DCAF1: variants seen among roughly 807,000 people sequenced by gnomAD.
The protein encoded by DCAF1 is DDB1 and CUL4 associated factor 1, also known as DDB1- and CUL4-associated factor 1.
Under a neutral mutation model 128.0 loss-of-function variants are expected in DCAF1, and 15 were observed. That is an observed-to-expected ratio of 0.12 (90% CI 0.08 to 0.18). DCAF1 has a LOEUF of 0.18. Among genes scored for constraint, DCAF1 ranks in the 10% least tolerant of loss-of-function variants. The pLI, the probability that DCAF1 is intolerant of heterozygous loss-of-function variation, is 1.00. For missense variants in DCAF1, 988 were observed against 1,649.5 expected (o/e 0.60, Z 6.95); for synonymous variants, 610 against 603.0 (o/e 1.01, Z -0.17).
upstream of DCAF1, among the ~76,000 whole-genome samples, chr3:51,500,812 C>CT (rs3051029): frequency 0.063 from 8,065 of 128,664 alleles, 685 homozygotes; most frequent in East Asian, 0.3. Context: ...TTTTCTCTGT[C>CT]TTTTTTTTTT....
intron 6 of DCAF1, among the ~76,000 whole-genome samples, chr3:51,455,400 G>A (rs190191103): frequency 1.1e-3 from 166 of 151,922 alleles, no homozygotes; most frequent in African/African-American, 4.0e-3. Context: ...CAGCCCAGAA[G>A]TTCGAGACTA....
At chr3:51,400,579 G>A (rs1426834344) in intron 24 of DCAF1, among the ~76,000 whole-genome samples, 1 of 152,052 alleles carries the variant, frequency 6.6e-6, no homozygotes, top group African/African-American at 2.4e-5. Context: ...AAACCTCCAG[G>A]GCTTGGGCAC....
At chr3:51,410,623 A>G (rs1276816027) in intron 23 of DCAF1, among the ~76,000 whole-genome samples, 6 of 152,262 alleles carry the variant, frequency 3.9e-5, no homozygotes, top group Admixed American at 3.9e-4. Context: ...CCATTTTCAA[A>G]TATTACCATT....
At chr3:51,459,733 G>C (rs1703330893) in intron 6 of DCAF1, among the ~76,000 whole-genome samples, 1 of 152,126 alleles carries the variant, frequency 6.6e-6, no homozygotes, top group South Asian at 2.1e-4. Flanking sequence ...TTCATCCCTG[G>C]GATGCAAGGC....
intron 15 of DCAF1, 83 bp from the exon 16 acceptor site, chr3:51,418,959 A>G (rs549920529): frequency 1.8e-4 from 263 of 1,456,592 alleles, no homozygotes; most frequent in Non-Finnish European, 2.3e-4. Context: ...AAGAAAAAGC[A>G]CAGAACATTA....
chr3:51,483,140 A>C (rs1577299732), intron 3 of DCAF1, among the ~76,000 whole-genome samples: 1 of 10,554 alleles, frequency 9.5e-5, no homozygotes, highest in East Asian at 1.3e-3. Context: ...ACTCCGTATG[A>C]AAAAAAAAAA....
In DCAF1 at chr3:51,459,125, G is replaced by A. The variant is rs149449153; in HGVS notation, c.375+3989C>T. Reference sequence around the variant, plus strand: ...CAAAAAATTAATGAATCCAGGAGCTGGTTTTTTGAAAAGATCAACAAAATT... The same window carrying A: ...CAAAAAATTAATGAATCCAGGAGCTAGTTTTTTGAAAAGATCAACAAAATT... On this transcript the variant is annotated intron_variant, in intron 6 of 24. Transcript: ENST00000684031. Among the ~76,000 whole-genome samples the A allele has an allele frequency of 8.7e-3, 1,317 of 152,170 alleles. 19 individuals are homozygous for A. The highest frequency in any genetic ancestry group is 0.03 in the African/African-American group (1,238 of 41,512).
chr3:51,420,575 G>A lies in DCAF1; in HGVS notation c.2395C>T (p.Arg799Cys), dbSNP rs1553632205. ...LMKEPVLQDK[R>C]SDHVKFCKYA... ...TTGCAGAACTTGACATGGTCACTGCGCTTGTCCTGCAGCACAGGCTCCTTC... is the reference window on the plus strand; with the variant it reads ...TTGCAGAACTTGACATGGTCACTGCACTTGTCCTGCAGCACAGGCTCCTTC... Residue 799 changes from arginine to cysteine, a missense_variant, in exon 15 of 25, where the codon CGC becomes TGC. Around this residue, in one of 11 missense-constraint regions of DCAF1, gnomAD observed 76 missense variants for 186.9 expected, o/e 0.41. Transcript: ENST00000684031. This position sits in a 1 kb window ranked among gnomAD's most constrained non-coding sequence, Gnocchi z 6.5. 3 of 1,613,786 alleles carry A rather than the reference G, an allele frequency of 1.9e-6. No homozygotes were observed. Among genetic ancestry groups the A allele is most frequent in the Non-Finnish European group, 1.7e-6 (2 of 1,179,892 alleles).
At chr3:51,465,621 T>C (rs1233393398) in intron 5 of DCAF1, among the ~76,000 whole-genome samples, 1 of 151,998 alleles carries the variant, frequency 6.6e-6, no homozygotes, top group East Asian at 1.9e-4. Context: ...GTGCATCCCT[T>C]GTAGTCCCAG....
intron 3 of DCAF1, among the ~76,000 whole-genome samples, chr3:51,475,722 A>G (rs1265813339): frequency 6.6e-6 from 1 of 152,192 alleles, no homozygotes; most frequent in Admixed American, 6.5e-5. Flanking sequence ...TTAGCCGGGC[A>G]CGGTGGCAGG....
At chr3:51,484,054 G>A (rs1490223426) in intron 2 of DCAF1, among the ~76,000 whole-genome samples, 4 of 152,086 alleles carry the variant, frequency 2.6e-5, no homozygotes, top group East Asian at 3.9e-4. Flanking sequence ...AAGTACTTTC[G>A]CCTTTCTCAG....
chr3:51,458,771 T>A (rs548099866), intron 6 of DCAF1, among the ~76,000 whole-genome samples: 1 of 152,226 alleles, frequency 6.6e-6, no homozygotes, highest in Non-Finnish European at 1.5e-5. Flanking sequence ...CACTCAAAAC[T>A]GCTCAACTAC....
chr3:51,497,249 C>G lies in DCAF1; in HGVS notation c.-55-469G>C, dbSNP rs548509669. On this transcript the variant is annotated intron_variant, in intron 1 of 24. Coordinates refer to ENST00000684031, the MANE Select transcript of DCAF1 (RefSeq NM_001387579.1). ...GGCAGAGGTTACAGTGGGCAAAGAT[C>G]GCACCACTGCACTCCAGGCTAGGTG... 4.6e-5 allele frequency among the ~76,000 whole-genome samples: 7 copies of G among 151,622 alleles called. No individual in the cohort carries two copies. In the East Asian group the frequency reaches 1.2e-3, roughly 25 times the overall value.
In DCAF1 at chr3:51,406,796, C is replaced by G. The variant is rs1318476046; in HGVS notation, c.4213-3401G>C. ...TTACCACAGACACTTTTCTCATCCC[C>G]ACCTCACCACCACCTTCACACTGGC... On this transcript the variant is annotated intron_variant, in intron 23 of 24. Transcript: ENST00000684031. 2.0e-5 allele frequency among the ~76,000 whole-genome samples: 3 copies of G among 152,194 alleles called. No individual in the cohort carries two copies. The East Asian group carries it at 5.8e-4, about 29-fold the overall frequency.
In DCAF1 at chr3:51,496,355, A is replaced by G. The variant is rs1553660970; in HGVS notation, c.-9+379T>C. Among the ~76,000 whole-genome samples, 4 of 152,256 alleles carry G rather than the reference A, an allele frequency of 2.6e-5. No individual in the cohort carries two copies. In the South Asian group the frequency reaches 8.3e-4, roughly 31 times the overall value. On this transcript the variant is annotated intron_variant, in intron 2 of 24. Transcript: ENST00000684031. ...GGCAGCAGAATCGCTTGAACCCAGG[A>G]GACAGAGGTTGCAGTGAGCCGAGAT...
At chr3:51,482,608 T>C (rs891484881) in intron 3 of DCAF1, among the ~76,000 whole-genome samples, 2 of 26,124 alleles carry the variant, frequency 7.7e-5, no homozygotes, top group Non-Finnish European at 6.4e-5. Context: ...CTACTAAAAA[T>C]ACAAAAATTA....
chr3:51,491,918 G>A (rs1553658160), intron 2 of DCAF1, among the ~76,000 whole-genome samples: 1 of 152,112 alleles, frequency 6.6e-6, no homozygotes, highest in Non-Finnish European at 1.5e-5. Flanking sequence ...AGCACTGTGG[G>A]AGGCCGAGGT....
At chr3:51,494,195 A>G (rs1384871149) in intron 2 of DCAF1, among the ~76,000 whole-genome samples, 1 of 147,520 alleles carries the variant, frequency 6.8e-6, no homozygotes, top group African/African-American at 2.5e-5. Flanking sequence ...GCTCACTGCA[A>G]GCTCCGCCTC....
intron 2 of DCAF1, among the ~76,000 whole-genome samples, chr3:51,489,524 C>T (rs1553656936): frequency 1.3e-5 from 2 of 151,930 alleles, no homozygotes; most frequent in African/African-American, 4.8e-5. Context: ...CAAGGTGGCT[C>T]ATGCCTGTAA....
Sources: gnomAD v4.1 joint callset for allele counts (sites outside exome capture counted in the v4.1 genomes callset) on GRCh38, gnomAD v4.1.1 for gene constraint, gnomAD v4.1.1 regional missense constraint, Gnocchi (gnomAD v3.1) non-coding constraint, MANE v1.5 for transcripts, NCBI Gene and HGNC (gene_info 2026-07-23, HGNC 2026-07-21) for gene names.